Variants in SV2B observed in about 807,000 individuals in gnomAD.
SV2B encodes the protein synaptic vesicle glycoprotein 2B, also known as solute carrier family 22 member B2.
Under a neutral mutation model 73.9 loss-of-function variants are expected in SV2B, and 41 were observed. The observed-to-expected ratio is 0.56, with a 90% CI of 0.43 to 0.72. SV2B has a LOEUF of 0.72. Ranked by LOEUF, SV2B falls within the 30% of genes least tolerant of loss-of-function variation. SV2B has a pLI of 0.00. For missense variants in SV2B, 764 were observed against 857.8 expected, an observed-to-expected ratio of 0.89 and a Z score of 1.37; for synonymous variants, 314 against 314.2, an observed-to-expected ratio of 1.00 and a Z score of 0.01.
At chr15:91,207,777 G>A (rs906348297) in intron 1 of SV2B, among the ~76,000 whole-genome samples, 7 of 152,150 alleles carry the variant, frequency 4.6e-5, no homozygotes, top group African/African-American at 1.4e-4. Context: ...TATGATTGGA[G>A]GGCAAAAGAG....
Position 91,295,208 on chromosome 15 carries a change from C to T in SV2B, c.*2656C>T, listed in dbSNP as rs2049178848. 1 of 152,240 alleles carries T rather than the reference C, an allele frequency of 6.6e-6. No homozygotes were observed. Among genetic ancestry groups the T allele is most frequent in the Non-Finnish European group, 1.5e-5 (1 of 68,034 alleles). 9.4% of individuals were successfully genotyped at this position (152,240 alleles called of 1,614,324 possible). A position where few individuals can be genotyped will look rare whatever the true frequency, so the allele number is the denominator to read the frequency against. On this transcript the variant is annotated 3_prime_UTR_variant, in exon 13 of 13. Coordinates refer to ENST00000394232, the MANE Select transcript of SV2B (RefSeq NM_001323032.3). ...GCCCAGCTTGGAAATAGTTGCTTTC[C>T]ATAGTCTCAACTGTATTGTGTCATC... is the stretch of plus-strand genomic sequence containing the variant.
Position 91,296,696 on chromosome 15 carries a change from CCTT to C in SV2B, c.*4147_*4149del, listed in dbSNP as rs1355337541. On this transcript the variant is annotated 3_prime_UTR_variant, in exon 13 of 13. Transcript: ENST00000394232. ...TCTGCCTGATCATTGGGAGCACACT[CCTT>C]CTGCCTGATCATGGGCACACGCTCC... The C allele has an allele frequency of 2.0e-5, 3 of 151,298 alleles. No individual in the cohort carries two copies. The Admixed American group carries it at 2.0e-4, about 10-fold the overall frequency. 9.4% of individuals were successfully genotyped at this position (151,298 alleles called of 1,614,324 possible). A position where few individuals can be genotyped will look rare whatever the true frequency, so the allele number is the denominator to read the frequency against.
chr15:91,154,427 T>G lies in SV2B; in HGVS notation c.-392+54064T>G, dbSNP rs548679021. Reference sequence around the variant, plus strand: ...AAGATTAAGTGACAGAAATGGAATATTAGACAGGCAGATTGTGGAAGGAGC... The same window carrying G: ...AAGATTAAGTGACAGAAATGGAATAGTAGACAGGCAGATTGTGGAAGGAGC... On this transcript the variant is annotated intron_variant, in intron 1 of 12. Coordinates refer to ENST00000394232, the MANE Select transcript of SV2B (RefSeq NM_001323032.3). Among the ~76,000 whole-genome samples, 6 of 152,222 alleles carry G rather than the reference T, an allele frequency of 3.9e-5. No homozygotes were observed. In the East Asian group the frequency reaches 1.2e-3, roughly 29 times the overall value.
chr15:91,284,746 T>A lies in SV2B; in HGVS notation c.1708+525T>A, dbSNP rs1022255619. Among the ~76,000 whole-genome samples, 2 of 152,240 alleles carry A rather than the reference T, an allele frequency of 1.3e-5. No individual in the cohort carries two copies. Among genetic ancestry groups the A allele is most frequent in the African/African-American group, 4.8e-5 (2 of 41,460 alleles). The stretch of plus-strand genomic sequence containing the variant: ...CTCAGTTTCCTTATTTATAAGAGAA[T>A]GATTTTCCACATCCAGCTGGTAGGG... On this transcript the variant is annotated intron_variant, in intron 11 of 12. Transcript: ENST00000394232. The surrounding 1 kb of genome is among the most constrained non-coding windows in gnomAD (Gnocchi z 4.5).
rs2042968280 is a variant in SV2B, at chr15:91,140,542, C to A, written c.-392+40179C>A. On this transcript the variant is annotated intron_variant, in intron 1 of 12. Transcript: ENST00000394232. This position sits in a 1 kb window ranked among gnomAD's most constrained non-coding sequence, Gnocchi z 4.4. ...GGCTGAAACTGGCCCCTAGTTAGCA[C>A]TAGCTCATTCATTAGGTCTGCTTCC... Among the ~76,000 whole-genome samples, 1 of 152,186 alleles carries A rather than the reference C, an allele frequency of 6.6e-6. No individual in the cohort carries two copies. Among genetic ancestry groups the A allele is most frequent in the Non-Finnish European group, 1.5e-5 (1 of 68,034 alleles).
At chr15:91,273,886 A>G (rs923367529) in intron 9 of SV2B, among the ~76,000 whole-genome samples, 5 of 152,210 alleles carry the variant, frequency 3.3e-5, no homozygotes, top group African/African-American at 1.2e-4. Context: ...TTGCATATAC[A>G]TGTGTATCAT....
In SV2B at chr15:91,124,284, T is replaced by A. The variant is rs1229013811; in HGVS notation, c.-392+23921T>A. 6.6e-6 allele frequency among the ~76,000 whole-genome samples: 1 copy of A among 152,220 alleles called. No homozygotes were observed. The highest frequency in any genetic ancestry group is 1.5e-5 in the Non-Finnish European group (1 of 68,044). On this transcript the variant is annotated intron_variant, in intron 1 of 12. Coordinates refer to ENST00000394232, the MANE Select transcript of SV2B (RefSeq NM_001323032.3). This position sits in a 1 kb window ranked among gnomAD's most constrained non-coding sequence, Gnocchi z 4.6. ...CTGTCATTTGCGATTTTAGTTTTTGTGTCTGTGGTGCCAGTGGTGTTTCCT... is the reference window on the plus strand; with the variant it reads ...CTGTCATTTGCGATTTTAGTTTTTGAGTCTGTGGTGCCAGTGGTGTTTCCT...
rs1210677464 is a variant in SV2B at position 91,301,105 on chromosome 15, C to T, written c.*8553C>T. 1 of 152,238 alleles carries T rather than the reference C, an allele frequency of 6.6e-6. No individual in the cohort carries two copies. Among genetic ancestry groups the T allele is most frequent in the Non-Finnish European group, 1.5e-5 (1 of 68,110 alleles). 9.4% of individuals were successfully genotyped at this position (152,238 alleles called of 1,614,324 possible). ...TATGGCTAAGCGGAGGACACGGCCA[C>T]AAGCTGTGAGTCATGAAAAGGAGGG... On this transcript the variant is annotated 3_prime_UTR_variant, in exon 13 of 13. Transcript: ENST00000394232. The surrounding 1 kb of genome is among the most constrained non-coding windows in gnomAD (Gnocchi z 4.3).
At chr15:91,147,954 A>C (rs1213063033) in intron 1 of SV2B, among the ~76,000 whole-genome samples, 2,848 of 43,208 alleles carry the variant, frequency 0.066, no homozygotes, top group Middle Eastern at 0.1. Context: ...CCCACCCCGC[A>C]CCCCCCCCAA....
chr15:91,265,974 C>CTA lies in SV2B; in HGVS notation c.1009-606_1009-605dup, dbSNP rs2048085716. ...TGGCCAACATGGTGAAACCCTGTCT[C>CTA]TATTAAAAAATACAAAAAATTAGCT... On this transcript the variant is annotated intron_variant, in intron 6 of 12. Coordinates refer to ENST00000394232, the MANE Select transcript of SV2B (RefSeq NM_001323032.3). The surrounding 1 kb of genome is among the most constrained non-coding windows in gnomAD (Gnocchi z 4.2). Among the ~76,000 whole-genome samples, 1 of 152,152 alleles carries CTA rather than the reference C, an allele frequency of 6.6e-6. No homozygotes were observed. Among genetic ancestry groups the CTA allele is most frequent in the Non-Finnish European group, 1.5e-5 (1 of 68,046 alleles).
rs1484419337 is a variant in SV2B, at chr15:91,118,423, A to G, written c.-392+18060A>G. On this transcript the variant is annotated intron_variant, in intron 1 of 12. Transcript: ENST00000394232. This position sits in a 1 kb window ranked among gnomAD's most constrained non-coding sequence, Gnocchi z 4.7. The stretch of plus-strand genomic sequence containing the variant: ...GAAAGATGGGTGGTAGTACAGTGCT[A>G]AGGGAAGAAAAGAACATTTTTTCCT... 6.6e-6 allele frequency among the ~76,000 whole-genome samples: 1 copy of G among 152,212 alleles called. No individual in the cohort carries two copies. The highest frequency in any genetic ancestry group is 1.5e-5 in the Non-Finnish European group (1 of 68,028).
Position 91,220,858 on chromosome 15 carries a change from A to G in SV2B, c.-391-5015A>G, listed in dbSNP as rs1196081269. On this transcript the variant is annotated intron_variant, in intron 1 of 12. Transcript: ENST00000394232. This position sits in a 1 kb window ranked among gnomAD's most constrained non-coding sequence, Gnocchi z 4.1. Reference sequence around the variant, plus strand: ...ATAATTTTTATTTTTCATGTTTATTATTTTATTTTATTTTATTTTTTTGAG... The same window carrying G: ...ATAATTTTTATTTTTCATGTTTATTGTTTTATTTTATTTTATTTTTTTGAG... Among the ~76,000 whole-genome samples the G allele has an allele frequency of 1.4e-5, 2 of 146,478 alleles. No individual in the cohort carries two copies. Among genetic ancestry groups the G allele is most frequent in the Non-Finnish European group, 1.5e-5 (1 of 67,426 alleles).
At chr15:91,237,944 G>A (rs1304845746) in intron 2 of SV2B, among the ~76,000 whole-genome samples, 1 of 152,190 alleles carries the variant, frequency 6.6e-6, no homozygotes, top group Non-Finnish European at 1.5e-5. Flanking sequence ...TAGAGTGATA[G>A]TCTGTATTTA....
intron 9 of SV2B, among the ~76,000 whole-genome samples, chr15:91,276,297 C>T (rs2048485492): frequency 6.6e-6 from 1 of 151,826 alleles, no homozygotes; most frequent in South Asian, 2.1e-4. Context: ...TCCTTCTCCT[C>T]CTTCTTCTTG....
intron 5 of SV2B, among the ~76,000 whole-genome samples, chr15:91,259,109 T>TATAAATAAATAA (rs60315590): frequency 2.0e-5 from 3 of 150,704 alleles, no homozygotes; most frequent in African/African-American, 7.4e-5. Flanking sequence ...AAAATAAAAA[T>TATAAATAAATAA]ATAAATAAAT....
intron 2 of SV2B, among the ~76,000 whole-genome samples, chr15:91,233,321 G>A (rs926872545): frequency 6.6e-6 from 1 of 152,178 alleles, no homozygotes; most frequent in African/African-American, 2.4e-5. Context: ...TGAGTATAAA[G>A]ACTTTGGCTG....
At chr15:91,255,608 T>TA (rs1200200305) in intron 4 of SV2B, among the ~76,000 whole-genome samples, 3 of 152,168 alleles carry the variant, frequency 2.0e-5, no homozygotes, top group Non-Finnish European at 4.4e-5. Context: ...TGTTCCCCAA[T>TA]AACCTATGGA....
intron 1 of SV2B, among the ~76,000 whole-genome samples, chr15:91,179,855 G>A (rs2044477479): frequency 6.6e-6 from 1 of 151,962 alleles, no homozygotes; most frequent in Non-Finnish European, 1.5e-5. Flanking sequence ...CAATTTGCCA[G>A]TCTGTGTCTT....
At chr15:91,113,007 C>CT (rs1323308780) in intron 1 of SV2B, among the ~76,000 whole-genome samples, 1 of 151,932 alleles carries the variant, frequency 6.6e-6, no homozygotes, top group Non-Finnish European at 1.5e-5. Flanking sequence ...TAATTTTTTT[C>CT]TTTTTTGAGA....
Sources: gnomAD v4.1 joint callset for allele counts (sites outside exome capture counted in the v4.1 genomes callset) on GRCh38, gnomAD v4.1.1 for gene constraint, Gnocchi (gnomAD v3.1) non-coding constraint, MANE v1.5 for transcripts, NCBI Gene and HGNC (gene_info 2026-07-23, HGNC 2026-07-21) for gene names.